Variants in CPNE8 observed in about 807,000 individuals in gnomAD.
CPNE8 encodes the protein copine 8, also known as copine-8.
Under a neutral mutation model 81.5 loss-of-function variants are expected in CPNE8, and 45 were observed. The ratio of observed to expected loss-of-function variants is 0.55; its 90% CI spans 0.44 to 0.71. CPNE8 has a LOEUF of 0.71. CPNE8 is among the 30% of genes least tolerant of loss of function. The pLI is 0.00. For missense variants in CPNE8, 594 were observed against 672.1 expected, an observed-to-expected ratio of 0.88 and a Z score of 1.28; for synonymous variants, 252 against 226.3, an observed-to-expected ratio of 1.11 and a Z score of -1.02.
intron 15 of CPNE8, among the ~76,000 whole-genome samples, chr12:38,686,727 T>C (rs1282223826): frequency 6.6e-6 from 1 of 152,188 alleles, no homozygotes; most frequent in Non-Finnish European, 1.5e-5. Context: ...GAAGGATCTA[T>C]TTCCAAAAAG....
intron 3 of CPNE8, among the ~76,000 whole-genome samples, chr12:38,870,450 T>C (rs933992228): frequency 1.3e-5 from 2 of 152,162 alleles, no homozygotes; most frequent in South Asian, 2.1e-4. Flanking sequence ...CACCATGGAA[T>C]GCTATGCAGC....
At chr12:38,860,562 CA>C (rs112847958) in intron 3 of CPNE8, among the ~76,000 whole-genome samples, 88,580 of 145,006 alleles carry the variant, frequency 0.61, 26,540 homozygotes, top group Admixed American at 0.66. Flanking sequence ...GAGTATATAT[CA>C]AAAAAAAAAA....
intron 16 of CPNE8, 28 bp from the exon 17 acceptor site, chr12:38,677,582 G>T: frequency 7.5e-7 from 1 of 1,337,456 alleles, no homozygotes; most frequent in Non-Finnish European, 1.1e-6. Context: ...GGTAAGGAAA[G>T]TAAAACAGTT....
At chr12:38,708,180 T>TA (rs1245444915) in intron 13 of CPNE8, among the ~76,000 whole-genome samples, 1 of 152,148 alleles carries the variant, frequency 6.6e-6, no homozygotes, top group Non-Finnish European at 1.5e-5. Flanking sequence ...TATTAACTGA[T>TA]AAAAAATTTA....
intron 15 of CPNE8, among the ~76,000 whole-genome samples, chr12:38,691,982 T>A (rs1939685557): frequency 6.6e-6 from 1 of 152,082 alleles, no homozygotes; most frequent in African/African-American, 2.4e-5. Flanking sequence ...CCTATATGTG[T>A]TTTAATTGGG....
chr12:38,854,400 A>ATCAG (rs1943695672), intron 3 of CPNE8, among the ~76,000 whole-genome samples: 1 of 112,406 alleles, frequency 8.9e-6, no homozygotes. Context: ...CGTCTATCCT[A>ATCAG]TCAGTTCTGT....
chr12:38,861,306 C>G (rs1348886600), intron 3 of CPNE8, among the ~76,000 whole-genome samples: 1 of 151,762 alleles, frequency 6.6e-6, no homozygotes, highest in Admixed American at 6.6e-5. Context: ...AGTTCACTGC[C>G]AATAGTTAAT....
At chr12:38,794,818 G>T (rs1942416276) in intron 6 of CPNE8, among the ~76,000 whole-genome samples, 1 of 152,140 alleles carries the variant, frequency 6.6e-6, no homozygotes, top group Non-Finnish European at 1.5e-5. Flanking sequence ...AAGTATTGTT[G>T]CTGGGAGTGT....
At chr12:38,677,394 C>G (rs999946835) in intron 17 of CPNE8, 58 bp downstream of exon 17, 1 of 909,390 alleles carries the variant, frequency 1.1e-6, no homozygotes. Flanking sequence ...TCTAGTCTCT[C>G]TCTAAGTAGC....
At chr12:38,838,559 C>T (rs903292696) in intron 5 of CPNE8, among the ~76,000 whole-genome samples, 1 of 152,120 alleles carries the variant, frequency 6.6e-6, no homozygotes. Flanking sequence ...AGGACATTTG[C>T]AAAACTTCCA....
intron 3 of CPNE8, among the ~76,000 whole-genome samples, chr12:38,872,004 G>T (rs1335138899): frequency 1.3e-5 from 2 of 152,076 alleles, no homozygotes; most frequent in Non-Finnish European, 2.9e-5. Flanking sequence ...GCATGGTGGC[G>T]CATGCCTGTA....
intron 10 of CPNE8, among the ~76,000 whole-genome samples, chr12:38,740,845 A>C (rs190215249): frequency 0.012 from 1,839 of 152,260 alleles, 26 homozygotes; most frequent in Middle Eastern, 0.041. Flanking sequence ...ATTGGTCTAA[A>C]ATTCTCTTTT....
At chr12:38,891,896 T>A (rs912777580) in intron 1 of CPNE8, among the ~76,000 whole-genome samples, 1 of 152,258 alleles carries the variant, frequency 6.6e-6, no homozygotes, top group African/African-American at 2.4e-5. Context: ...GGTTTTGTAA[T>A]AATCAATGAT....
At chr12:38,712,981 A>G (rs1053148808) in intron 13 of CPNE8, among the ~76,000 whole-genome samples, 27 of 152,210 alleles carry the variant, frequency 1.8e-4, no homozygotes, top group African/African-American at 5.5e-4. Context: ...AATAATAGCT[A>G]GCATTTATTG....
At chr12:38,833,571 T>C (rs1194648694) in intron 5 of CPNE8, among the ~76,000 whole-genome samples, 1 of 149,554 alleles carries the variant, frequency 6.7e-6, no homozygotes, top group Admixed American at 6.7e-5. Flanking sequence ...CTCCACTTCC[T>C]GGGTTTGCAC....
rs150304406 is a variant in CPNE8, at chr12:38,820,165, G to A, written c.407+9214C>T. On this transcript the variant is annotated intron_variant, in intron 6 of 19. Transcript: ENST00000331366. ...CTCACTCCTGTAATCCCAGCACTTT[G>A]GGAGGCGAAGATGGGGGGATCACAA... Among the ~76,000 whole-genome samples, 1,046 of 152,176 alleles carry A rather than the reference G, an allele frequency of 6.9e-3. 19 individuals carry two copies. Among genetic ancestry groups the A allele is most frequent in the African/African-American group, 0.023 (971 of 41,506 alleles).
At chr12:38,864,150 G>A (rs796557585) in intron 3 of CPNE8, among the ~76,000 whole-genome samples, 26 of 151,878 alleles carry the variant, frequency 1.7e-4, no homozygotes, top group African/African-American at 2.9e-4. Context: ...AAGGATAAAT[G>A]TATGTATAAA....
intron 1 of CPNE8, among the ~76,000 whole-genome samples, chr12:38,898,109 C>G (rs767897520): frequency 7.2e-5 from 11 of 152,130 alleles, no homozygotes; most frequent in Non-Finnish European, 1.0e-4. Flanking sequence ...TAGGCTTCTG[C>G]CTGCTACAAC....
intron 3 of CPNE8, among the ~76,000 whole-genome samples, chr12:38,872,355 A>C (rs1274050584): frequency 2.0e-5 from 3 of 152,220 alleles, no homozygotes; most frequent in Non-Finnish European, 4.4e-5. Flanking sequence ...TAACCTCACT[A>C]GGGAAATCTA....
Sources: gnomAD v4.1 joint callset for allele counts (sites outside exome capture counted in the v4.1 genomes callset) on GRCh38, gnomAD v4.1.1 for gene constraint, MANE v1.5 for transcripts, NCBI Gene and HGNC (gene_info 2026-07-23, HGNC 2026-07-21) for gene names.